DYNC2H1: variants seen among roughly 807,000 people sequenced by gnomAD.
DYNC2H1 encodes the protein dynein cytoplasmic 2 heavy chain 1, also known as cytoplasmic dynein 2 heavy chain 1.
In DYNC2H1, 410 loss-of-function variants were observed where a neutral mutation model predicts 570.0. That is an observed-to-expected ratio of 0.72 (90% CI 0.66 to 0.78). DYNC2H1 has a LOEUF of 0.78. Among genes scored for constraint, DYNC2H1 ranks in the 30% least tolerant of loss-of-function variants. DYNC2H1 has a pLI of 0.00. For missense variants in DYNC2H1, 4,865 were observed against 5,046.4 expected (o/e 0.96, Z 1.09); for synonymous variants, 1,688 against 1,677.6 (o/e 1.01, Z -0.15).
chr11:103,210,523 C>G (rs1863114162), intron 53 of DYNC2H1, among the ~76,000 whole-genome samples: 1 of 151,904 alleles, frequency 6.6e-6, no homozygotes, highest in Non-Finnish European at 1.5e-5. Context: ...TATTAGAGAT[C>G]ACTTGGTAGC....
chr11:103,165,806 G>A (rs1429536264), intron 30 of DYNC2H1, 92 bp from the exon 31 acceptor site: 14 of 988,888 alleles, frequency 1.4e-5, no homozygotes, highest in Non-Finnish European at 1.4e-5. Context: ...ATATACAATT[G>A]GCTATTTGAA....
chr11:103,110,150 T>C (rs1023654174), intron 1 of DYNC2H1, among the ~76,000 whole-genome samples: 4 of 152,048 alleles, frequency 2.6e-5, no homozygotes, highest in Non-Finnish European at 5.9e-5. Flanking sequence ...TGCCTCAGCC[T>C]CCCGAGTAGC....
chr11:103,350,534 C>T (rs1939997418), intron 82 of DYNC2H1, among the ~76,000 whole-genome samples: 1 of 152,100 alleles, frequency 6.6e-6, no homozygotes, highest in Non-Finnish European at 1.5e-5. Flanking sequence ...ATATTTGCTT[C>T]ATTTTATAGA....
intron 60 of DYNC2H1, among the ~76,000 whole-genome samples, chr11:103,233,675 TGGTTTTGCTG>T (rs1864101306): frequency 6.6e-6 from 1 of 151,930 alleles, no homozygotes; most frequent in Non-Finnish European, 1.5e-5. Context: ...CATATATTAA[TGGTTTTGCTG>T]ATCAGTAATA....
At chr11:103,140,196 G>T (rs1380904243) in intron 17 of DYNC2H1, among the ~76,000 whole-genome samples, 1 of 151,256 alleles carries the variant, frequency 6.6e-6, no homozygotes, top group African/African-American at 2.4e-5. Flanking sequence ...TTTTAATTGT[G>T]TCTTTAATAT....
chr11:103,438,906 G>A (rs940157416), intron 85 of DYNC2H1, among the ~76,000 whole-genome samples: 1 of 152,048 alleles, frequency 6.6e-6, no homozygotes, highest in Non-Finnish European at 1.5e-5. Context: ...TGACTCAGGA[G>A]ACTAAGGCAA....
In DYNC2H1 at chr11:103,166,110, A is replaced by G. The variant is rs1248734453; in HGVS notation, c.4762+62A>G. 3 of 1,370,854 alleles carry G rather than the reference A, an allele frequency of 2.2e-6. No homozygotes were observed. The African/African-American group carries it at 4.4e-5, about 20-fold the overall frequency. The allele number at this position is 1,370,854 out of a possible 1,614,324, so 84.9% of individuals were successfully genotyped here. On this transcript the variant is annotated intron_variant, in intron 31 of 88. Coordinates refer to ENST00000375735, the MANE Select transcript of DYNC2H1 (RefSeq NM_001377.3). ...GGTTATTTTTTGGTATTCTATCCTA[A>G]TTTACCTATTGTGTTTTTGACTGTA...
At chr11:103,364,420 C>T (rs1225690837) in intron 83 of DYNC2H1, among the ~76,000 whole-genome samples, 1 of 151,708 alleles carries the variant, frequency 6.6e-6, no homozygotes, top group East Asian at 1.9e-4. Flanking sequence ...ATGATGGCTG[C>T]TTTACAGTCC....
At chr11:103,391,247 T>C (rs936272255) in intron 83 of DYNC2H1, among the ~76,000 whole-genome samples, 12 of 152,232 alleles carry the variant, frequency 7.9e-5, no homozygotes, top group African/African-American at 2.9e-4. Flanking sequence ...TTCATTCTTT[T>C]GATCTTCAAT....
rs1317260770 is a variant in DYNC2H1, at chr11:103,184,973, T to C, written c.6555T>C (p.His2185=). Residue 2185 remains histidine, a synonymous_variant, in exon 41 of 89, where the codon CAT becomes CAC. Transcript: ENST00000375735. ...GLSHLHGCRD[H]DEFIINLIRG... The stretch of plus-strand genomic sequence containing the variant: ...CACATCTACATGGTTGCAGAGATCA[T>C]GACGAATTCATTATTAATCTCATAA... The C allele has an allele frequency of 6.8e-6, 11 of 1,611,080 alleles. No individual in the cohort carries two copies. The highest frequency in any genetic ancestry group is 1.3e-5 in the African/African-American group (1 of 74,762).
At chr11:103,191,449 T>A in intron 45 of DYNC2H1, 68 bp from the exon 46 acceptor site, 1 of 1,280,258 alleles carries the variant, frequency 7.8e-7, no homozygotes, top group East Asian at 2.5e-5. Context: ...CTAAGGAGAC[T>A]GAAAAATTTA....
intron 28 of DYNC2H1, among the ~76,000 whole-genome samples, chr11:103,159,884 A>G (rs1861012424): frequency 6.6e-6 from 1 of 152,112 alleles, no homozygotes; most frequent in South Asian, 2.1e-4. Flanking sequence ...TTGAAACATA[A>G]TCCTGCACGG....
At position 103,174,265 on chromosome 11, in the gene DYNC2H1, A is replaced by G. The variant is rs892397321; in HGVS notation, c.5674+95A>G. The stretch of plus-strand genomic sequence containing the variant: ...GATTTACAGAAAAGTTGTAGATACA[A>G]TATTAAGGATTACTGTATACCCTGC... On this transcript the variant is annotated intron_variant, in intron 36 of 88. Coordinates refer to ENST00000375735, the MANE Select transcript of DYNC2H1 (RefSeq NM_001377.3). 1.6e-5 allele frequency: 16 copies of G among 1,017,236 alleles called. No homozygotes were observed. The African/African-American group carries it at 1.8e-4, about 11-fold the overall frequency. 63.0% of individuals were successfully genotyped at this position (1,017,236 alleles called of 1,614,324 possible).
At chr11:103,229,226 C>G (rs1308722598) in intron 59 of DYNC2H1, among the ~76,000 whole-genome samples, 1 of 152,166 alleles carries the variant, frequency 6.6e-6, no homozygotes, top group Non-Finnish European at 1.5e-5. Context: ...AGTGGTGACC[C>G]AGTTCCTTCA....
chr11:103,114,020 G>T (rs1250690626), intron 2 of DYNC2H1, 83 bp from the exon 3 acceptor site: 2 of 1,493,688 alleles, frequency 1.3e-6, no homozygotes, highest in Non-Finnish European at 1.8e-6. Flanking sequence ...AAGAAAAATG[G>T]GGTTTTGGAC....
rs376189689 is a variant in DYNC2H1, at chr11:103,233,942, G to C, written c.9441-92G>C. On this transcript the variant is annotated intron_variant, in intron 60 of 88. Coordinates refer to ENST00000375735, the MANE Select transcript of DYNC2H1 (RefSeq NM_001377.3). ...ATTAATAGTATTATCATTAAATTAT[G>C]GCATAAAAGTTTACTTTATTACCTA... is the stretch of plus-strand genomic sequence containing the variant. 8 of 1,226,754 alleles carry C rather than the reference G, an allele frequency of 6.5e-6. No individual in the cohort carries two copies. The African/African-American group carries it at 7.8e-5, about 12-fold the overall frequency. 76.0% of individuals were successfully genotyped at this position (1,226,754 alleles called of 1,614,324 possible).
Position 103,199,523 on chromosome 11 carries a change from G to T in DYNC2H1, c.8088+47G>T. 6.9e-7 allele frequency: 1 copy of T among 1,448,636 alleles called. No homozygotes were observed. The allele number at this position is 1,448,636 out of a possible 1,614,324, so 89.7% of individuals were successfully genotyped here. ...GCTTTATTTGGTTTTAAATTACATT[G>T]GTTATTACTCTAAACATCTTTAAAG... On this transcript the variant is annotated intron_variant, in intron 49 of 88. Transcript: ENST00000375735. This position sits in a 1 kb window ranked among gnomAD's most constrained non-coding sequence, Gnocchi z 4.6.
intron 70 of DYNC2H1, among the ~76,000 whole-genome samples, chr11:103,271,694 A>G (rs1865715052): frequency 6.6e-6 from 1 of 152,242 alleles, no homozygotes; most frequent in African/African-American, 2.4e-5. Flanking sequence ...CCTTACATAT[A>G]CTGCCATTTA....
intron 83 of DYNC2H1, among the ~76,000 whole-genome samples, chr11:103,365,738 G>T (rs1280447974): frequency 6.6e-6 from 1 of 152,142 alleles, no homozygotes; most frequent in Non-Finnish European, 1.5e-5. Flanking sequence ...GTTTGAACAT[G>T]CAAAGAAATT....
Sources: gnomAD v4.1 joint callset for allele counts (sites outside exome capture counted in the v4.1 genomes callset) on GRCh38, gnomAD v4.1.1 for gene constraint, Gnocchi (gnomAD v3.1) non-coding constraint, MANE v1.5 for transcripts, NCBI Gene and HGNC (gene_info 2026-07-23, HGNC 2026-07-21) for gene names.